Variants in DNAJC7 observed in about 807,000 individuals in gnomAD.
DNAJC7 encodes dnaJ homolog subfamily C member 7.
Under a neutral mutation model 67.4 loss-of-function variants are expected in DNAJC7, and 18 were observed. The ratio of observed to expected loss-of-function variants is 0.27; its 90% CI spans 0.18 to 0.40. The LOEUF is 0.40. Among genes scored for constraint, DNAJC7 ranks in the 10% least tolerant of loss-of-function variants. The pLI is 1.00. For missense variants in DNAJC7, 419 were observed against 613.8 expected, an observed-to-expected ratio of 0.68 and a Z score of 3.35; for synonymous variants, 220 against 207.8, an observed-to-expected ratio of 1.06 and a Z score of -0.50.
intron 5 of DNAJC7, 80 bp downstream of exon 5, chr17:41,994,790 C>T: frequency 8.2e-7 from 1 of 1,224,464 alleles, no homozygotes. Context: ...CCATACTACT[C>T]CTCTTAATTA....
At chr17:42,006,796 C>CAAAAAAAA (rs57155070) in intron 1 of DNAJC7, among the ~76,000 whole-genome samples, 2,845 of 23,298 alleles carry the variant, frequency 0.12, 1,214 homozygotes, top group East Asian at 0.27. Context: ...GACTCCGTCT[C>CAAAAAAAA]AAAAAAAAAA....
intron 5 of DNAJC7, among the ~76,000 whole-genome samples, chr17:41,991,453 T>G (rs1027889703): frequency 6.6e-6 from 1 of 152,140 alleles, no homozygotes; most frequent in Admixed American, 6.5e-5. Flanking sequence ...CAAGAGCTAC[T>G]CAGTGATTTT....
In DNAJC7 at chr17:41,988,741, A is replaced by C; in HGVS notation, c.909T>G (p.Val303=). 1.3e-6 allele frequency: 2 copies of C among 1,598,444 alleles called. No individual in the cohort carries two copies. The highest frequency in any genetic ancestry group is 1.7e-6 in the Non-Finnish European group (2 of 1,175,536). The change falls in exon 8 of 14, where the codon GTT becomes GTG. Residue 303 remains valine, a synonymous_variant. Transcript: ENST00000457167. Reference sequence around the variant, plus strand: ...TAGATCAAGAGCTTACCTTGGAATTAACCGTACCCCGATTACAGTAGAGTT... The same window carrying C: ...TAGATCAAGAGCTTACCTTGGAATTCACCGTACCCCGATTACAGTAGAGTT... The part of the protein sequence containing the change: ...NAKLYCNRGT[V]NSKLRKLDDA...
At chr17:41,992,202 C>T (rs1054857288) in intron 5 of DNAJC7, among the ~76,000 whole-genome samples, 2 of 151,800 alleles carry the variant, frequency 1.3e-5, no homozygotes, top group Non-Finnish European at 2.9e-5. Flanking sequence ...GATGGAGTTT[C>T]GTTCTTGTTG....
In DNAJC7 at chr17:41,983,184, G is replaced by A. The variant is rs1470680900; in HGVS notation, c.1084+379C>T. On this transcript the variant is annotated intron_variant, in intron 10 of 13. Transcript: ENST00000457167. Reference sequence around the variant, plus strand: ...CCGTCACCCAGGCTGGAGTATAGTCGCGCAATCTTAGCTCACTGCAACCTC... The same window carrying A: ...CCGTCACCCAGGCTGGAGTATAGTCACGCAATCTTAGCTCACTGCAACCTC... Among the ~76,000 whole-genome samples, 6 of 151,758 alleles carry A rather than the reference G, an allele frequency of 4.0e-5. No homozygotes were observed. In the East Asian group the frequency reaches 9.7e-4, roughly 24 times the overall value.
intron 1 of DNAJC7, among the ~76,000 whole-genome samples, chr17:42,003,795 T>G (rs989998055): frequency 6.6e-6 from 1 of 152,110 alleles, no homozygotes; most frequent in Non-Finnish European, 1.5e-5. Flanking sequence ...GATTATTTTC[T>G]GTGGCTACAA....
intron 13 of DNAJC7, 111 bp from the exon 14 acceptor site, chr17:41,976,881 G>A: frequency 7.4e-7 from 1 of 1,344,562 alleles, no homozygotes; most frequent in South Asian, 1.4e-5. Flanking sequence ...AACACAGAGA[G>A]AAACTCTATG....
At chr17:42,011,241 C>A (rs543595192) in intron 1 of DNAJC7, 32 of 152,324 alleles carry the variant, frequency 2.1e-4, no homozygotes, top group African/African-American at 7.0e-4. Flanking sequence ...GCCCAGTACT[C>A]AGCTTTTCAA....
In DNAJC7 at chr17:42,007,288, T is replaced by A. The variant is rs2051991820; in HGVS notation, c.78-6718A>T. Among the ~76,000 whole-genome samples the A allele has an allele frequency of 2.6e-5, 4 of 152,122 alleles. No individual in the cohort carries two copies. The South Asian group carries it at 8.3e-4, about 31-fold the overall frequency. On this transcript the variant is annotated intron_variant, in intron 1 of 13. Coordinates refer to ENST00000457167, the MANE Select transcript of DNAJC7 (RefSeq NM_003315.4). ...TATTCAGTCAAACTTACTAGTTGCC[T>A]GTTGATCTAGAAATGCCCTCCACCC...
intron 1 of DNAJC7, among the ~76,000 whole-genome samples, chr17:42,002,843 T>C (rs781789099): frequency 5.3e-5 from 8 of 152,192 alleles, no homozygotes; most frequent in Non-Finnish European, 7.3e-5. Flanking sequence ...AGACACACAG[T>C]ACACCCCACA....
At chr17:41,996,248 G>C in intron 4 of DNAJC7, 63 bp downstream of exon 4, 1 of 1,548,842 alleles carries the variant, frequency 6.5e-7, no homozygotes, top group Non-Finnish European at 8.9e-7. Context: ...CGACTTTCAA[G>C]TAGCCACTCC....
At chr17:42,017,272 G>A (rs2052329339) in intron 1 of DNAJC7, 68 bp downstream of exon 1, 9 of 1,605,592 alleles carry the variant, frequency 5.6e-6, no homozygotes, top group South Asian at 3.3e-5. Context: ...CTGCATCATG[G>A]CAGGAACGAG....
rs782586234 is a variant in DNAJC7 at position 41,997,234 on chromosome 17, A to G, written c.172T>C (p.Cys58Arg). 1 of 1,613,462 alleles carries G rather than the reference A, an allele frequency of 6.2e-7. No individual in the cohort carries two copies. The highest frequency in any genetic ancestry group is 8.5e-7 in the Non-Finnish European group (1 of 1,179,616). The change falls in exon 3 of 14, where the codon TGT (cysteine) becomes CGT (arginine). Residue 58 changes from cysteine (C) to arginine (R), a missense_variant. Physicochemically the swap from Cys to Arg is radical, Grantham distance 180. Coordinates refer to ENST00000457167, the MANE Select transcript of DNAJC7 (RefSeq NM_003315.4). Reference sequence around the variant, plus strand: ...CCATAATAGCTAGCATTTTTAGGACACATATCTATAGGAAAGGCAGAAGAA... The same window carrying G: ...CCATAATAGCTAGCATTTTTAGGACGCATATCTATAGGAAAGGCAGAAGAA... ...YNYYTKAIDM[C>R]PKNASYYGNR...
rs1244558237 is a variant in DNAJC7 at position 41,982,020 on chromosome 17, G to A, written c.1232-13C>T. 6.2e-6 allele frequency: 10 copies of A among 1,609,718 alleles called. No individual in the cohort carries two copies. The highest frequency in any genetic ancestry group is 8.5e-6 in the Non-Finnish European group (10 of 1,178,674). On this transcript the variant is annotated splice_polypyrimidine_tract_variant and intron_variant, in intron 11 of 13. Transcript: ENST00000457167. ...CCACTATGCCGATCTAAAGTGGGGA[G>A]TAAAAGAACAACTCAGTGGAAATCA...
intron 5 of DNAJC7, among the ~76,000 whole-genome samples, chr17:41,994,006 G>A (rs1273989933): frequency 6.8e-6 from 1 of 146,788 alleles, no homozygotes; most frequent in Non-Finnish European, 1.5e-5. Context: ...TCACGCCACT[G>A]CACTCCAGCC....
At position 42,017,365 on chromosome 17, in the gene DNAJC7, G is replaced by A. The variant is rs543274828; in HGVS notation, c.52C>T (p.Leu18=). ...CTCTTCGCCTCTTGGTCGTCGAGCA[G>A]CTCCGGCTCGGTCGCCGCCATTACC... ...DVVMAATEPE[L]LDDQEAKREA... Residue 18 remains leucine (L), a synonymous_variant, in exon 1 of 14, where the codon CTG becomes TTG. Coordinates refer to ENST00000457167, the MANE Select transcript of DNAJC7 (RefSeq NM_003315.4). 6.2e-7 allele frequency: 1 copy of A among 1,611,060 alleles called. No individual in the cohort carries two copies. Among genetic ancestry groups the A allele is most frequent in the Non-Finnish European group, 8.5e-7 (1 of 1,179,870 alleles).
Position 41,983,611 on chromosome 17 carries a change from C to T in DNAJC7, c.1036G>A (p.Glu346Lys). The T allele has an allele frequency of 6.2e-7, 1 of 1,603,482 alleles. No individual in the cohort carries two copies. The highest frequency in any genetic ancestry group is 8.5e-7 in the Non-Finnish European group (1 of 1,174,232). ...QCYMDTEQYE[E>K]AVRDYEKVYQ... is the part of the protein sequence containing the mutation. The stretch of plus-strand genomic sequence containing the variant: ...ACTTTTTCATAGTCTCGTACTGCTT[C>T]TTCATACTGTTCTGTGTCCATGTAA... The change falls in exon 10 of 14, where the codon GAA becomes AAA. Residue 346 changes from glutamate to lysine, a missense_variant. Coordinates refer to ENST00000457167, the MANE Select transcript of DNAJC7 (RefSeq NM_003315.4).
At chr17:41,980,384 G>T (rs1401428729) in intron 12 of DNAJC7, among the ~76,000 whole-genome samples, 2 of 151,182 alleles carry the variant, frequency 1.3e-5, no homozygotes, top group African/African-American at 4.9e-5. Context: ...AAGACTGACT[G>T]AATTAATTAA....
chr17:41,981,322 G>A (rs1402762658), intron 12 of DNAJC7, among the ~76,000 whole-genome samples: 8 of 151,740 alleles, frequency 5.3e-5, no homozygotes, highest in Middle Eastern at 3.4e-3. Context: ...TCGGCCTCCC[G>A]AGTAGCTGGG....
Sources: allele counts gnomAD v4.1 joint callset (sites outside exome capture counted in the v4.1 genomes callset), GRCh38; gene constraint gnomAD v4.1.1; transcripts MANE v1.5; gene names NCBI Gene and HGNC (gene_info 2026-07-23, HGNC 2026-07-21).